Variants in CLSTN2 observed in about 807,000 individuals in gnomAD.
CLSTN2 encodes calsyntenin 2.
A neutral mutation model predicts 101.2 loss-of-function variants in CLSTN2; 48 were observed. The observed-to-expected ratio is 0.47, with a 90% confidence interval of 0.38 to 0.60. The LOEUF (loss-of-function observed/expected upper bound fraction) is 0.60. Among genes scored for constraint, CLSTN2 ranks in the 20% least tolerant of loss-of-function variants. The pLI is 0.00. For missense variants in CLSTN2, 1,160 were observed against 1,238.2 expected (o/e 0.94, Z 0.95); for synonymous variants, 481 against 463.6 (o/e 1.04, Z -0.48).
intron 2 of CLSTN2, among the ~76,000 whole-genome samples, chr3:140,293,503 T>C (rs1384342378): frequency 2.6e-5 from 4 of 152,104 alleles, no homozygotes; most frequent in African/African-American, 4.8e-5. Flanking sequence ...AGAGAAAAGG[T>C]GCTTGGGCTG....
chr3:140,237,078 A>G lies in CLSTN2; in HGVS notation c.232+61005A>G, dbSNP rs190803874. ...CAAATAATTTTTTATTGGATTCTGGACATAGTGAACTTTATGTTGTTTAGT... is the reference window on the plus strand; with the variant it reads ...CAAATAATTTTTTATTGGATTCTGGGCATAGTGAACTTTATGTTGTTTAGT... On this transcript the variant is annotated intron_variant, in intron 2 of 16. Transcript: ENST00000458420. 2.0e-5 allele frequency among the ~76,000 whole-genome samples: 3 copies of G among 152,132 alleles called. No individual in the cohort carries two copies. In the East Asian group the frequency reaches 5.8e-4, roughly 29 times the overall value.
chr3:140,525,167 T>C (rs1472117062), intron 8 of CLSTN2, among the ~76,000 whole-genome samples: 1 of 152,136 alleles, frequency 6.6e-6, no homozygotes, highest in African/African-American at 2.4e-5. Flanking sequence ...GAGTTGCTTT[T>C]TCGAAAGAAT....
intron 1 of CLSTN2, among the ~76,000 whole-genome samples, chr3:140,160,055 A>G (rs1053972027): frequency 5.9e-5 from 9 of 152,104 alleles, no homozygotes; most frequent in African/African-American, 1.9e-4. Context: ...AAAACTTCCT[A>G]GAGTACTGTG....
intron 8 of CLSTN2, among the ~76,000 whole-genome samples, chr3:140,480,562 A>G (rs1934092599): frequency 6.6e-6 from 1 of 152,194 alleles, no homozygotes; most frequent in African/African-American, 2.4e-5. Flanking sequence ...AGTCCCGCCA[A>G]CAGTGTAAAA....
At chr3:140,001,133 C>A (rs1004532004) in intron 1 of CLSTN2, among the ~76,000 whole-genome samples, 1 of 152,208 alleles carries the variant, frequency 6.6e-6, no homozygotes, top group Non-Finnish European at 1.5e-5. Flanking sequence ...ATACTACTTA[C>A]TCATCCTATA....
intron 1 of CLSTN2, among the ~76,000 whole-genome samples, chr3:140,163,260 A>G (rs1229064964): frequency 6.6e-6 from 1 of 152,300 alleles, no homozygotes; most frequent in African/African-American, 2.4e-5. Flanking sequence ...AAGAGCTTTG[A>G]CAGCAAAAAC....
At chr3:139,943,344 T>C (rs996538460) in intron 1 of CLSTN2, among the ~76,000 whole-genome samples, 1 of 152,098 alleles carries the variant, frequency 6.6e-6, no homozygotes. Context: ...TTTGACCCCC[T>C]CTCCAACCCT....
intron 2 of CLSTN2, among the ~76,000 whole-genome samples, chr3:140,325,641 C>T (rs1296634823): frequency 6.6e-6 from 1 of 152,166 alleles, no homozygotes; most frequent in African/African-American, 2.4e-5. Context: ...TTATACTGGT[C>T]CAAGCAAGCA....
At chr3:140,325,954 T>C (rs1964546) in intron 2 of CLSTN2, among the ~76,000 whole-genome samples, 71,416 of 151,600 alleles carry the variant, frequency 0.47, 17,897 homozygotes, top group Non-Finnish European at 0.58. Flanking sequence ...GGCCTTACTA[T>C]CTAAATTAAA....
At chr3:140,370,972 C>T (rs2087849635) in intron 2 of CLSTN2, among the ~76,000 whole-genome samples, 1 of 151,964 alleles carries the variant, frequency 6.6e-6, no homozygotes, top group Non-Finnish European at 1.5e-5. Flanking sequence ...AGACATCAAA[C>T]ACCCTTCTGA....
In CLSTN2 at chr3:140,215,614, C is replaced by G. The variant is rs370686745; in HGVS notation, c.232+39541C>G. ...AGAATTTAGCACAATGCCAGGCATA[C>G]AGTAAACATTCAGTAGGTGGAGAGA... On this transcript the variant is annotated intron_variant, in intron 2 of 16. Coordinates refer to ENST00000458420, the MANE Select transcript of CLSTN2 (RefSeq NM_022131.3). Among the ~76,000 whole-genome samples the G allele has an allele frequency of 1.1e-4, 17 of 152,232 alleles. No homozygotes were observed. The East Asian group carries it at 1.2e-3, about 10-fold the overall frequency.
intron 8 of CLSTN2, among the ~76,000 whole-genome samples, chr3:140,484,199 A>G (rs1226424887): frequency 2.0e-5 from 3 of 152,016 alleles, no homozygotes; most frequent in Non-Finnish European, 4.4e-5. Flanking sequence ...TCTGCAAAGG[A>G]TTTTATTTCT....
At chr3:140,228,878 T>G (rs2086347068) in intron 2 of CLSTN2, among the ~76,000 whole-genome samples, 1 of 152,156 alleles carries the variant, frequency 6.6e-6, no homozygotes. Flanking sequence ...CACCTCCCAC[T>G]GGGTCCCTCC....
intron 2 of CLSTN2, among the ~76,000 whole-genome samples, chr3:140,196,438 T>C (rs1020857480): frequency 2.0e-5 from 3 of 152,228 alleles, no homozygotes; most frequent in African/African-American, 7.2e-5. Flanking sequence ...TGTACTTGCC[T>C]GATCAAACCA....
intron 2 of CLSTN2, among the ~76,000 whole-genome samples, chr3:140,227,556 G>A (rs907093182): frequency 6.6e-6 from 1 of 152,180 alleles, no homozygotes; most frequent in East Asian, 1.9e-4. Context: ...GATAGTGGCC[G>A]TCTTCTCACA....
At chr3:140,301,849 A>G (rs2087062065) in intron 2 of CLSTN2, among the ~76,000 whole-genome samples, 1 of 152,074 alleles carries the variant, frequency 6.6e-6, no homozygotes, top group Non-Finnish European at 1.5e-5. Flanking sequence ...AGCAAATGGG[A>G]AACGTCACAG....
intron 1 of CLSTN2, among the ~76,000 whole-genome samples, chr3:140,032,318 A>G (rs2007570366): frequency 6.6e-6 from 1 of 150,878 alleles, no homozygotes; most frequent in South Asian, 2.1e-4. Context: ...CCTAAGATCA[A>G]GGGCTAACAA....
intron 12 of CLSTN2, 137 bp from the exon 13 acceptor site, chr3:140,562,001 G>C: frequency 1.5e-6 from 1 of 653,278 alleles, no homozygotes; most frequent in Non-Finnish European, 2.6e-6. Flanking sequence ...GGTGGATGTG[G>C]TATTTGGGAT....
intron 9 of CLSTN2, among the ~76,000 whole-genome samples, chr3:140,542,624 C>T (rs1050783108): frequency 6.6e-6 from 1 of 152,002 alleles, no homozygotes; most frequent in Non-Finnish European, 1.5e-5. Flanking sequence ...TTATACTGGC[C>T]TCCTGTTGAA....
Sources: gnomAD v4.1 joint callset for allele counts (sites outside exome capture counted in the v4.1 genomes callset) on GRCh38, gnomAD v4.1.1 for gene constraint, MANE v1.5 for transcripts, NCBI Gene and HGNC (gene_info 2026-07-23, HGNC 2026-07-21) for gene names.